SYN1: variants seen among roughly 807,000 people sequenced by gnomAD.
SYN1 encodes synapsin-1.
Under a neutral mutation model 44.6 loss-of-function variants are expected in SYN1, and 8 were observed. The ratio of observed to expected loss-of-function variants is 0.18; its 90% CI spans 0.11 to 0.32. The LOEUF (loss-of-function observed/expected upper bound fraction) is 0.32, where lower values mean the gene tolerates loss of function less well. SYN1 is among the 10% of genes least tolerant of loss of function. The probability of loss-of-function intolerance (pLI) is 1.00; values close to 1 mark genes in which losing one functional copy is unlikely to be tolerated. For missense variants in SYN1, 451 were observed against 639.4 expected, an observed-to-expected ratio of 0.71 and a Z score of 3.18; for synonymous variants, 275 against 280.1, an observed-to-expected ratio of 0.98 and a Z score of 0.18.
In SYN1 at chrX:47,619,817, T is replaced by TC; in HGVS notation, c.-90dup. The TC allele has an allele frequency of 1.0e-6, 1 of 982,797 alleles. No homozygotes were observed. Among genetic ancestry groups the TC allele is most frequent in the African/African-American group, 1.9e-5 (1 of 51,325 alleles). 81.0% of individuals were successfully genotyped at this position (982,797 alleles called of 1,213,427 possible). A position where few individuals can be genotyped will look rare whatever the true frequency, so the allele number is the denominator to read the frequency against. ...GCGGTGCCCAGGAGCACAGCTGCGC[T>TC]CTCAGGCACGACACGACTCCTCCGC... On this transcript the variant is annotated 5_prime_UTR_variant, in exon 1 of 13. Transcript: ENST00000295987.
At chrX:47,586,213 G>A (rs1312517697) in intron 5 of SYN1, 35 of 751,247 alleles carry the variant, frequency 4.7e-5, no homozygotes, top group Non-Finnish European at 5.5e-5. Context: ...CCGCCAACCG[G>A]GTGGGGCCCC....
rs1161948424 is a variant in SYN1 at position 47,574,549 on chromosome X, G to T, written c.1435C>A (p.Pro479Thr). 2.8e-6 allele frequency: 3 copies of T among 1,088,312 alleles called. No individual in the cohort carries two copies. Among genetic ancestry groups the T allele is most frequent in the East Asian group, 3.3e-5 (1 of 30,452 alleles). 89.7% of individuals were successfully genotyped at this position (1,088,312 alleles called of 1,213,427 possible). ...QPGPGPQRQG[P>T]PLQQRPPPQG... ...GGGGGCGGGCGCTGCTGCAATGGGG[G>T]TCCCTGGCGCTGGGGGCCTGGACCC... is the stretch of plus-strand genomic sequence containing the variant. Residue 479 changes from proline (P) to threonine (T), a missense_variant, in exon 12 of 13, where the codon CCC (proline) becomes ACC (threonine). Coordinates refer to ENST00000295987, the MANE Select transcript of SYN1 (RefSeq NM_006950.3).
chrX:47,619,495 C>A lies in SYN1; in HGVS notation c.234G>T (p.Ser78=). 1 of 1,198,110 alleles carries A rather than the reference C, an allele frequency of 8.3e-7. No individual in the cohort carries two copies. The highest frequency in any genetic ancestry group is 1.1e-6 in the Non-Finnish European group (1 of 892,812). Reference sequence around the variant, plus strand: ...TCTGCTTGACCGCGTTGGACAGCGACGAGAAGAAGCCACCGCCCCCCGAGG... The same window carrying A: ...TCTGCTTGACCGCGTTGGACAGCGAAGAGAAGAAGCCACCGCCCCCCGAGG... ...PGSSGGGGFF[S]SLSNAVKQTT... is the part of the protein sequence containing the mutation. Residue 78 remains serine, a synonymous_variant, in exon 1 of 13, where the codon TCG becomes TCT. Coordinates refer to ENST00000295987, the MANE Select transcript of SYN1 (RefSeq NM_006950.3).
intron 1 of SYN1, among the ~76,000 whole-genome samples, chrX:47,608,377 T>C (rs998375654): frequency 2.7e-5 from 3 of 111,941 alleles, no homozygotes; most frequent in African/African-American, 9.7e-5. Flanking sequence ...TATTTTTTAG[T>C]GCCTGTGTAT....
intron 5 of SYN1, chrX:47,585,602 A>T (rs751311919): frequency 8.4e-7 from 1 of 1,196,796 alleles, no homozygotes; most frequent in Non-Finnish European, 1.1e-6. Context: ...TCCCTGGAAC[A>T]GCCTGAGCTT....
intron 1 of SYN1, among the ~76,000 whole-genome samples, chrX:47,608,066 G>C (rs1177848656): frequency 3.6e-5 from 4 of 111,085 alleles, no homozygotes; most frequent in Non-Finnish European, 7.6e-5. Context: ...GCCAGGCATA[G>C]TGGTGCATGC....
chrX:47,587,511 C>G (rs2057831473), intron 5 of SYN1: 1 of 113,127 alleles, frequency 8.8e-6, no homozygotes, highest in Non-Finnish European at 1.9e-5. Flanking sequence ...TCCCCTCACT[C>G]CTCTGACCAA....
intron 1 of SYN1, among the ~76,000 whole-genome samples, chrX:47,613,452 C>T (rs1219335918): frequency 8.9e-6 from 1 of 111,891 alleles, no homozygotes; most frequent in African/African-American, 3.3e-5. Context: ...GAAGGCCAAC[C>T]AACCACTTTG....
intron 5 of SYN1, among the ~76,000 whole-genome samples, chrX:47,583,043 CG>C (rs758797301): frequency 4.6e-4 from 45 of 97,339 alleles, no homozygotes; most frequent in African/African-American, 1.5e-3. Flanking sequence ...TAAACTCTGC[CG>C]TCTCCAAACT....
At chrX:47,594,655 G>A (rs1424462076) in intron 5 of SYN1, among the ~76,000 whole-genome samples, 1 of 111,577 alleles carries the variant, frequency 9.0e-6, no homozygotes, top group Non-Finnish European at 1.9e-5. Context: ...GCCTTGCTGG[G>A]TTTCCCCACT....
intron 1 of SYN1, among the ~76,000 whole-genome samples, chrX:47,618,324 T>C (rs2057937130): frequency 8.9e-6 from 1 of 111,909 alleles, no homozygotes; most frequent in Non-Finnish European, 1.9e-5. Context: ...GCATGCTTGC[T>C]GAATACACTG....
chrX:47,583,394 C>A, intron 5 of SYN1: 1 of 1,185,044 alleles, frequency 8.4e-7, no homozygotes, highest in East Asian at 3.0e-5. Context: ...GCCTGACATC[C>A]CCCTTCCCCA....
At chrX:47,579,848 C>CA (rs1569324054) in intron 5 of SYN1, among the ~76,000 whole-genome samples, 7 of 74,611 alleles carry the variant, frequency 9.4e-5, no homozygotes, top group Non-Finnish European at 2.0e-4. Context: ...CTGTTTTTGT[C>CA]GCCCCCCCAC....
chrX:47,592,590 G>A (rs66686422), intron 5 of SYN1, among the ~76,000 whole-genome samples: 7,329 of 110,603 alleles, frequency 0.066, 625 homozygotes, highest in African/African-American at 0.23. Context: ...AAATAAGGAC[G>A]TGAGAAGGTG....
intron 5 of SYN1, among the ~76,000 whole-genome samples, chrX:47,604,425 G>T (rs758594824): frequency 1.8e-5 from 2 of 109,712 alleles, no homozygotes; most frequent in East Asian, 5.8e-4. Flanking sequence ...GCTAATTTTT[G>T]TATTTTTAGT....
rs991783875 is a variant in SYN1, at chrX:47,575,405, G to A, written c.1159-131C>T. On this transcript the variant is annotated intron_variant, in intron 9 of 12. Transcript: ENST00000295987. The stretch of plus-strand genomic sequence containing the variant: ...AGTGTCTGAGGCACTGATTGTGCAC[G>A]GTGAGGAAGGCTTGTCTGTTCCAAG... The A allele has an allele frequency of 7.3e-6, 6 of 825,126 alleles. No individual in the cohort carries two copies. In the Admixed American group the frequency reaches 1.4e-4, roughly 20 times the overall value. The allele number at this position is 825,126 out of a possible 1,213,427, so 68.0% of individuals were successfully genotyped here.
intron 5 of SYN1, among the ~76,000 whole-genome samples, chrX:47,594,876 C>T (rs1245661168): frequency 9.0e-6 from 1 of 110,866 alleles, no homozygotes; most frequent in Non-Finnish European, 1.9e-5. Flanking sequence ...TACAGGCATG[C>T]GCCACTGCCC....
chrX:47,597,699 T>A (rs955907207), intron 5 of SYN1, among the ~76,000 whole-genome samples: 2 of 111,728 alleles, frequency 1.8e-5, no homozygotes, highest in African/African-American at 6.5e-5. Context: ...TGCACTGAAC[T>A]CCAACTAAGA....
At chrX:47,589,685 T>C (rs1217032302) in intron 5 of SYN1, among the ~76,000 whole-genome samples, 1 of 110,578 alleles carries the variant, frequency 9.0e-6, no homozygotes, top group Non-Finnish European at 1.9e-5. Flanking sequence ...TCTGTGTCCT[T>C]GAATAAATCA....
Sources: allele counts gnomAD v4.1 joint callset (sites outside exome capture counted in the v4.1 genomes callset), GRCh38; gene constraint gnomAD v4.1.1; transcripts MANE v1.5; gene names NCBI Gene and HGNC (gene_info 2026-07-23, HGNC 2026-07-21).